FBLN2: variants seen among roughly 807,000 people sequenced by gnomAD.
FBLN2 encodes fibulin-2.
In FBLN2, 81 loss-of-function variants were observed where a neutral mutation model predicts 123.7. The ratio of observed to expected loss-of-function variants is 0.65; its 90% CI spans 0.55 to 0.79. The LOEUF (loss-of-function observed/expected upper bound fraction) is 0.79, where lower values mean the gene tolerates loss of function less well. Among genes scored for constraint, FBLN2 ranks in the 30% least tolerant of loss-of-function variants. FBLN2 has a pLI of 0.00. For synonymous variants in FBLN2, 699 were observed against 701.4 expected, an observed-to-expected ratio of 1.00 and a Z score of 0.05; for missense variants, 1,603 against 1,681.3, an observed-to-expected ratio of 0.95 and a Z score of 0.81.
intron 1 of FBLN2, among the ~76,000 whole-genome samples, chr3:13,560,300 G>T (rs905095163): frequency 6.6e-6 from 1 of 152,142 alleles, no homozygotes; most frequent in Non-Finnish European, 1.5e-5. Context: ...CCACTTGAAA[G>T]ATTATTTTTC....
intron 2 of FBLN2, among the ~76,000 whole-genome samples, chr3:13,603,009 C>A (rs1574974728): frequency 1.3e-5 from 2 of 151,446 alleles, no homozygotes; most frequent in South Asian, 4.2e-4. Flanking sequence ...CTCCTGGGTT[C>A]AAGCAATTTT....
At chr3:13,589,711 A>G (rs1229917614) in intron 2 of FBLN2, among the ~76,000 whole-genome samples, 2 of 152,150 alleles carry the variant, frequency 1.3e-5, no homozygotes, top group African/African-American at 4.8e-5. Context: ...TCACACAATT[A>G]CCAATTCCCT....
intron 4 of FBLN2, 46 bp downstream of exon 4, chr3:13,609,688 G>GGGGGGGGGGGGGCCCCC: frequency 2.0e-6 from 1 of 512,602 alleles, no homozygotes; most frequent in Non-Finnish European, 3.6e-6. Flanking sequence ...GTGGGGCGGG[G>GGGGGGGGGGGGGCCCCC]CGGGAGGCTG....
rs114230157 is a variant in FBLN2 at position 13,566,142 on chromosome 3, G to T, written c.-41-4173G>T. ...CTCTGACTGCTGGGACTGTCCCCCC[G>T]CAGGGAGGTCAGGCCTCCTTCCCCA... On this transcript the variant is annotated intron_variant, in intron 1 of 17. Transcript: ENST00000404922. Among the ~76,000 whole-genome samples, 710 of 152,130 alleles carry T rather than the reference G, an allele frequency of 4.7e-3. 7 individuals carry two copies. Among genetic ancestry groups the T allele is most frequent in the African/African-American group, 0.016 (668 of 41,430 alleles).
At position 13,637,564 on chromosome 3, in the gene FBLN2, A is replaced by G. The variant is rs1300378968; in HGVS notation, c.3341A>G (p.Lys1114Arg). 6.2e-7 allele frequency: 1 copy of G among 1,601,146 alleles called. No individual in the cohort carries two copies. Among genetic ancestry groups the G allele is most frequent in the African/African-American group, 1.3e-5 (1 of 74,886 alleles). The change falls in exon 18 of 18, where the codon AAG becomes AGG. Residue 1114 changes from lysine to arginine, a missense_variant and splice_region_variant. Physicochemically the swap from Lys to Arg is conservative, Grantham distance 26 (BLOSUM62 2). Coordinates refer to ENST00000404922, the MANE Select transcript of FBLN2 (RefSeq NM_001004019.2). The stretch of plus-strand genomic sequence containing the variant: ...GACCCGGCCTATCCTCCCTGCAGGA[A>G]GTGCGAGCGCACCACGTGCCATGAC... ...PPNYVQVSKT[K>R]CERTTCHDFL... is the part of the protein sequence containing the mutation.
At chr3:13,635,365 G>A (rs781277266) in intron 16 of FBLN2, among the ~76,000 whole-genome samples, 29 of 147,448 alleles carry the variant, frequency 2.0e-4, no homozygotes, top group Non-Finnish European at 3.1e-4. Context: ...CCTCCAGGGT[G>A]CCTGTGGGTT....
chr3:13,611,587 C>T (rs1705393598), intron 4 of FBLN2, among the ~76,000 whole-genome samples: 1 of 152,186 alleles, frequency 6.6e-6, no homozygotes, highest in African/African-American at 2.4e-5. Context: ...TCATCCATGC[C>T]ATGTGTAGCA....
At chr3:13,609,679 T>TGGGTGGGGGGGGGGGGGG in intron 4 of FBLN2, 37 bp downstream of exon 4, 1 of 80,280 alleles carries the variant, frequency 1.2e-5, no homozygotes, top group Non-Finnish European at 2.2e-5. Context: ...CAGGGTGGGG[T>TGGGTGGGGGGGGGGGGGG]GGGGCGGGGC....
chr3:13,553,800 T>C (rs2176254), intron 1 of FBLN2, among the ~76,000 whole-genome samples: 126,957 of 152,182 alleles, frequency 0.83, 53,176 homozygotes, highest in East Asian at 1. Flanking sequence ...CACCCACCTG[T>C]GCCGGGCCAG....
intron 1 of FBLN2, among the ~76,000 whole-genome samples, chr3:13,553,484 G>A (rs1418142717): frequency 6.6e-6 from 1 of 152,154 alleles, no homozygotes; most frequent in Non-Finnish European, 1.5e-5. Flanking sequence ...CTGCCCTCGT[G>A]TACGGGGCAC....
intron 1 of FBLN2, among the ~76,000 whole-genome samples, chr3:13,550,096 CTG>C (rs1396166870): frequency 6.6e-6 from 1 of 152,240 alleles, no homozygotes; most frequent in Non-Finnish European, 1.5e-5. Context: ...GTGCCACACA[CTG>C]TGAGTCTCAC....
intron 1 of FBLN2, among the ~76,000 whole-genome samples, chr3:13,560,969 G>GAA (rs199530857): frequency 2.0e-5 from 3 of 150,354 alleles, no homozygotes; most frequent in African/African-American, 7.4e-5. Context: ...TCTTTGAAGG[G>GAA]AAAAAAACAC....
At chr3:13,606,619 T>C (rs1283652778) in intron 2 of FBLN2, among the ~76,000 whole-genome samples, 1 of 152,134 alleles carries the variant, frequency 6.6e-6, no homozygotes. Context: ...AAATAGTCAA[T>C]TAACACATAT....
intron 2 of FBLN2, among the ~76,000 whole-genome samples, chr3:13,580,473 G>A (rs1018147378): frequency 4.6e-5 from 7 of 152,198 alleles, no homozygotes; most frequent in Non-Finnish European, 7.3e-5. Context: ...CAGTCGTGGG[G>A]TGGGGATTCA....
chr3:13,590,276 T>C (rs1157373519), intron 2 of FBLN2, among the ~76,000 whole-genome samples: 1 of 152,228 alleles, frequency 6.6e-6, no homozygotes, highest in East Asian at 1.9e-4. Flanking sequence ...CCCAAAGTGC[T>C]GGGATTATAG....
In FBLN2 at chr3:13,571,111, C is replaced by T. The variant is rs757017605; in HGVS notation, c.756C>T (p.Pro252=). ...CACCCCCCTGGCCAGCTGTCCTCCC[C>T]AGGCCCACAGCGGCTGCTGCCCTGG... ...IQAPPWPAVL[P]RPTAAAALGP... is the part of the protein sequence containing the mutation. Residue 252 remains proline (P), a synonymous_variant, in exon 2 of 18, where the codon CCC becomes CCT. Coordinates refer to ENST00000404922, the MANE Select transcript of FBLN2 (RefSeq NM_001004019.2). 10 of 1,553,112 alleles carry T rather than the reference C, an allele frequency of 6.4e-6. 1 individual carries two copies. The South Asian group carries it at 1.2e-4, about 18-fold the overall frequency.
At position 13,631,434 on chromosome 3, in the gene FBLN2, C is replaced by T. The variant is rs1399260242; in HGVS notation, c.3191C>T (p.Thr1064Met). 29 of 1,596,000 alleles carry T rather than the reference C, an allele frequency of 1.8e-5. No homozygotes were observed. The highest frequency in any genetic ancestry group is 8.0e-5 in the African/African-American group (6 of 74,684). The stretch of plus-strand genomic sequence containing the variant: ...TGCCCTGAGCAGGGCTACACCATGA[C>T]GGCCAACGGGAGGTCCTGCAAGGGT... ...CACPEQGYTM[T>M]ANGRSCKDVD... The change falls in exon 16 of 18, where the codon ACG becomes ATG. Residue 1064 changes from threonine to methionine, a missense_variant. Physicochemically the swap from Thr to Met is moderately conservative, Grantham distance 81. Coordinates refer to ENST00000404922, the MANE Select transcript of FBLN2 (RefSeq NM_001004019.2).
intron 1 of FBLN2, 141 bp downstream of exon 1, chr3:13,549,349 C>A (rs1427092295): frequency 7.2e-6 from 3 of 415,102 alleles, no homozygotes; most frequent in Admixed American, 6.4e-5. Context: ...CCTCCACCCG[C>A]GCCGCCGGTC....
intron 2 of FBLN2, among the ~76,000 whole-genome samples, chr3:13,597,357 C>T (rs535267472): frequency 8.5e-5 from 13 of 152,228 alleles, no homozygotes; most frequent in African/African-American, 2.9e-4. Flanking sequence ...GGCAGCAGGA[C>T]AGAAACCATA....
Sources: allele counts gnomAD v4.1 joint callset (sites outside exome capture counted in the v4.1 genomes callset), GRCh38; gene constraint gnomAD v4.1.1; transcripts MANE v1.5; gene names NCBI Gene and HGNC (gene_info 2026-07-23, HGNC 2026-07-21).